The following GPC6 variants were observed in gnomAD, a reference collection of about 807,000 sequenced individuals.
GPC6 encodes glypican 6.
Under a neutral mutation model 55.2 loss-of-function variants are expected in GPC6, and 14 were observed. The ratio of observed to expected loss-of-function variants is 0.25; its 90% CI spans 0.17 to 0.40. GPC6 has a LOEUF of 0.40. GPC6 is among the 10% of genes least tolerant of loss of function. The pLI, the probability that GPC6 is intolerant of heterozygous loss-of-function variation, is 1.00. For synonymous variants in GPC6, 278 were observed against 259.6 expected (o/e 1.07, Z -0.68); for missense variants, 641 against 708.5 (o/e 0.90, Z 1.08).
At chr13:94,222,365 A>G (rs1890410692) in intron 4 of GPC6, among the ~76,000 whole-genome samples, 1 of 152,114 alleles carries the variant, frequency 6.6e-6, no homozygotes, top group Admixed American at 6.6e-5. Flanking sequence ...GTAGGAAGCA[A>G]AGATCCAAGG....
chr13:94,205,394 C>T (rs933836754), intron 4 of GPC6, among the ~76,000 whole-genome samples: 3 of 152,160 alleles, frequency 2.0e-5, no homozygotes, highest in African/African-American at 7.2e-5. Context: ...TGACAGGAGT[C>T]AACTTAGAGT....
chr13:93,255,986 T>TA (rs1876938212), intron 1 of GPC6, among the ~76,000 whole-genome samples: 1 of 150,658 alleles, frequency 6.6e-6, no homozygotes, highest in African/African-American at 2.5e-5. Flanking sequence ...ATACAAAAAT[T>TA]AGCTGGGTGC....
intron 2 of GPC6, among the ~76,000 whole-genome samples, chr13:93,762,857 T>C (rs1884996558): frequency 6.6e-6 from 1 of 152,198 alleles, no homozygotes. Context: ...TTTATGCTAT[T>C]TGAGAGCAAT....
At chr13:93,275,922 T>C (rs1422951983) in intron 1 of GPC6, among the ~76,000 whole-genome samples, 1 of 152,196 alleles carries the variant, frequency 6.6e-6, no homozygotes, top group Non-Finnish European at 1.5e-5. Flanking sequence ...TCGCCCAGGC[T>C]GGAGTGCGGC....
intron 2 of GPC6, among the ~76,000 whole-genome samples, chr13:93,794,591 T>C (rs1886143306): frequency 6.6e-6 from 1 of 152,158 alleles, no homozygotes; most frequent in African/African-American, 2.4e-5. Flanking sequence ...GAAAGAGTTG[T>C]TTTAGGGCCA....
chr13:94,243,919 G>A (rs931723591), intron 4 of GPC6, among the ~76,000 whole-genome samples: 1 of 152,086 alleles, frequency 6.6e-6, no homozygotes, highest in Non-Finnish European at 1.5e-5. Context: ...CTTTGCCTCA[G>A]TTTCCTTCTC....
intron 4 of GPC6, among the ~76,000 whole-genome samples, chr13:94,224,354 T>G (rs1890482593): frequency 6.6e-6 from 1 of 151,298 alleles, no homozygotes; most frequent in Admixed American, 6.6e-5. Flanking sequence ...AATATAAACT[T>G]TATTTCTCAA....
At chr13:93,866,712 CT>C (rs1888976677) in intron 3 of GPC6, among the ~76,000 whole-genome samples, 1 of 151,542 alleles carries the variant, frequency 6.6e-6, no homozygotes, top group South Asian at 2.1e-4. Flanking sequence ...ACAATGGGGA[CT>C]TTTGGAGTGT....
intron 2 of GPC6, among the ~76,000 whole-genome samples, chr13:93,796,585 G>C (rs1886204346): frequency 6.6e-6 from 1 of 152,120 alleles, no homozygotes; most frequent in African/African-American, 2.4e-5. Flanking sequence ...GACTGAGAAG[G>C]CTTTTCCAAT....
At chr13:93,476,272 G>A (rs1879298372) in intron 1 of GPC6, among the ~76,000 whole-genome samples, 1 of 152,016 alleles carries the variant, frequency 6.6e-6, no homozygotes, top group Non-Finnish European at 1.5e-5. Flanking sequence ...TCCTATTTGT[G>A]TGTGTGTGCG....
intron 6 of GPC6, among the ~76,000 whole-genome samples, chr13:94,353,538 T>C (rs1038482928): frequency 1.3e-5 from 2 of 151,968 alleles, no homozygotes; most frequent in Non-Finnish European, 2.9e-5. Flanking sequence ...ATTAACACTT[T>C]CCTGAGAAAA....
At chr13:94,005,771 A>G (rs1881993444) in intron 3 of GPC6, among the ~76,000 whole-genome samples, 2 of 152,178 alleles carry the variant, frequency 1.3e-5, no homozygotes, top group African/African-American at 4.8e-5. Flanking sequence ...ATCCCGTTCC[A>G]TCTGGCTTAT....
chr13:93,268,302 A>C (rs544872559), intron 1 of GPC6, among the ~76,000 whole-genome samples: 6 of 152,318 alleles, frequency 3.9e-5, no homozygotes, highest in South Asian at 2.1e-4. Flanking sequence ...GTATGTTTAC[A>C]GGTGTGTTGA....
At position 94,006,306 on chromosome 13, in the gene GPC6, C is replaced by T. The variant is rs557787013; in HGVS notation, c.712-21423C>T. Among the ~76,000 whole-genome samples, 5 of 152,188 alleles carry T rather than the reference C, an allele frequency of 3.3e-5. No individual in the cohort carries two copies. In the South Asian group the frequency reaches 6.2e-4, roughly 19 times the overall value. On this transcript the variant is annotated intron_variant, in intron 3 of 8. Coordinates refer to ENST00000377047, the MANE Select transcript of GPC6 (RefSeq NM_005708.5). ...AAGGAGGCAGACAGATTCAGTTTGT[C>T]GATATTGGGTGATGTATTGAGGGAA...
In GPC6 at chr13:93,606,300, A is replaced by G. The variant is rs145073893; in HGVS notation, c.319+60879A>G. Among the ~76,000 whole-genome samples the G allele has an allele frequency of 1.6e-3, 250 of 152,332 alleles. 1 individual carries two copies. The highest frequency in any genetic ancestry group is 5.4e-3 in the African/African-American group (224 of 41,574). On this transcript the variant is annotated intron_variant, in intron 2 of 8. Coordinates refer to ENST00000377047, the MANE Select transcript of GPC6 (RefSeq NM_005708.5). ...AAAATTTTTATGTGGGTTAATGGAA[A>G]GAAGACACATAGACACTAAGGATTT...
chr13:93,702,183 A>G (rs1485737655), intron 2 of GPC6, among the ~76,000 whole-genome samples: 1 of 152,068 alleles, frequency 6.6e-6, no homozygotes, highest in Non-Finnish European at 1.5e-5. Flanking sequence ...TATAGATTTG[A>G]TGTTCTGTTA....
chr13:94,398,271 TA>T (rs1197749956), intron 7 of GPC6, among the ~76,000 whole-genome samples, 194 bp from the exon 8 acceptor site: 2 of 152,134 alleles, frequency 1.3e-5, no homozygotes, highest in East Asian at 3.9e-4. Context: ...GAGGCTATTT[TA>T]GCCACATCTT....
chr13:93,429,305 T>G (rs1433585350), intron 1 of GPC6, among the ~76,000 whole-genome samples: 1 of 152,122 alleles, frequency 6.6e-6, no homozygotes, highest in Non-Finnish European at 1.5e-5. Flanking sequence ...ATGAGATTTG[T>G]GTTTATTTGT....
At position 93,552,549 on chromosome 13, in the gene GPC6, G is replaced by A. The variant is rs1051649427; in HGVS notation, c.319+7128G>A. 3.3e-4 allele frequency among the ~76,000 whole-genome samples: 50 copies of A among 151,108 alleles called. 1 individual carries two copies. The highest frequency in any genetic ancestry group is 5.9e-4 in the East Asian group (3 of 5,106). On this transcript the variant is annotated intron_variant, in intron 2 of 8. Coordinates refer to ENST00000377047, the MANE Select transcript of GPC6 (RefSeq NM_005708.5). Reference sequence around the variant, plus strand: ...AGATCTTTCAAAACTAAGGCTACACGCTGCTGATCATCAGCTCTGGCTTCA... The same window carrying A: ...AGATCTTTCAAAACTAAGGCTACACACTGCTGATCATCAGCTCTGGCTTCA...
Sources: gnomAD v4.1 joint callset for allele counts (sites outside exome capture counted in the v4.1 genomes callset) on GRCh38, gnomAD v4.1.1 for gene constraint, MANE v1.5 for transcripts, NCBI Gene and HGNC (gene_info 2026-07-23, HGNC 2026-07-21) for gene names.